Variants in PREX1 observed in about 807,000 individuals in gnomAD.
PREX1 encodes the protein phosphatidylinositol 3,4,5-trisphosphate-dependent Rac exchanger 1 protein.
In PREX1, 41 loss-of-function variants were observed where a neutral mutation model predicts 198.3. That is an observed-to-expected ratio of 0.21 (90% confidence interval 0.16 to 0.27). PREX1 has a LOEUF of 0.27. Ranked by LOEUF, PREX1 falls within the 10% of genes least tolerant of loss-of-function variation. The pLI, the probability that PREX1 is intolerant of heterozygous loss-of-function variation, is 1.00. For synonymous variants in PREX1, 843 were observed against 887.2 expected, an observed-to-expected ratio of 0.95 and a Z score of 0.89; for missense variants, 1,620 against 2,200.7, an observed-to-expected ratio of 0.74 and a Z score of 5.28.
intron 1 of PREX1, among the ~76,000 whole-genome samples, chr20:48,808,168 C>A (rs967289084): frequency 2.6e-5 from 4 of 152,158 alleles, no homozygotes; most frequent in Admixed American, 6.5e-5. Flanking sequence ...GCTTCCTGCT[C>A]TGGGGCTGAC....
At chr20:48,654,420 T>G (rs532088381) in intron 19 of PREX1, among the ~76,000 whole-genome samples, 1 of 152,348 alleles carries the variant, frequency 6.6e-6, no homozygotes, top group East Asian at 1.9e-4. Context: ...TTGGGCCAGA[T>G]AATTCTGTGT....
At chr20:48,841,745 G>A in the PREX1 span, among the ~76,000 whole-genome samples, 32 of 152,218 alleles carry the variant, frequency 2.1e-4, no homozygotes, top group African/African-American at 7.7e-4. Context: ...GGAGTACAGA[G>A]TATCATTCTT....
the PREX1 span, among the ~76,000 whole-genome samples, chr20:48,857,836 G>A: frequency 2.6e-5 from 4 of 152,306 alleles, no homozygotes; most frequent in East Asian, 5.8e-4. Flanking sequence ...GAAGGGTCCC[G>A]GGGGAGTTTG....
At chr20:48,651,159 G>A in intron 22 of PREX1, 104 bp from the exon 23 acceptor site, 1 of 1,422,426 alleles carries the variant, frequency 7.0e-7, no homozygotes, top group South Asian at 1.4e-5. Context: ...CCCCCGGGAA[G>A]TCAGGTGTGT....
chr20:48,827,567 C>T lies in PREX1; in HGVS notation c.219+75G>A. 9.1e-7 allele frequency: 1 copy of T among 1,099,710 alleles called. No homozygotes were observed. The highest frequency in any genetic ancestry group is 1.2e-6 in the Non-Finnish European group (1 of 869,472). The allele number at this position is 1,099,710 out of a possible 1,614,324, so 68.1% of individuals were successfully genotyped here. A position where few individuals can be genotyped will look rare whatever the true frequency, so the allele number is the denominator to read the frequency against. On this transcript the variant is annotated intron_variant, in intron 1 of 39. Transcript: ENST00000371941. This position sits in a 1 kb window ranked among gnomAD's most constrained non-coding sequence, Gnocchi z 4.1. ...AATTCTCCACCCACGGGGACCACGG[C>T]CACAGGTTGTGGGGACCGCAGCGGG...
At chr20:48,651,722 G>T in intron 21 of PREX1, 139 bp from the exon 22 acceptor site, 1 of 778,922 alleles carries the variant, frequency 1.3e-6, no homozygotes, top group Non-Finnish European at 2.0e-6. Context: ...CATTCCGCCA[G>T]AGTAGAGAGG....
chr20:48,799,525 A>G (rs1036665460), intron 1 of PREX1, among the ~76,000 whole-genome samples: 1 of 152,214 alleles, frequency 6.6e-6, no homozygotes, highest in Non-Finnish European at 1.5e-5. Flanking sequence ...ATGTGCTAAA[A>G]GCGTTAGCTG....
chr20:48,876,991 C>T, the PREX1 span, among the ~76,000 whole-genome samples: 1 of 152,040 alleles, frequency 6.6e-6, no homozygotes, highest in Non-Finnish European at 1.5e-5. Flanking sequence ...ATATATAGGC[C>T]GGGCGCAATG....
At chr20:48,686,076 C>G (rs1216076324) in intron 10 of PREX1, among the ~76,000 whole-genome samples, 3 of 152,102 alleles carry the variant, frequency 2.0e-5, no homozygotes, top group Non-Finnish European at 4.4e-5. Context: ...TGTACAGAAC[C>G]CTTCCCCTCT....
chr20:48,651,637 C>A, intron 21 of PREX1, 54 bp from the exon 22 acceptor site: 1 of 1,545,842 alleles, frequency 6.5e-7, no homozygotes, highest in South Asian at 1.2e-5. Context: ...GGGAGGAAGG[C>A]GAGGCGAGGA....
rs764220280 is a variant in PREX1 at position 48,700,756 on chromosome 20, G to C, written c.914C>G (p.Ser305Cys). 1.6e-5 allele frequency: 26 copies of C among 1,613,020 alleles called. 2 individuals are homozygous for C. The South Asian group carries it at 2.7e-4, about 17-fold the overall frequency. ...TCCCAGCCTCCTGGCCACTCACCTG[G>C]ATTTCCGCTTGCAGTAGACGAGAAG... ...DNLLVYCKRK[S>C]RVTGSKKSTK... The change falls in exon 7 of 40, where the codon TCC (serine) becomes TGC (cysteine). Residue 305 changes from serine (S) to cysteine (C), a missense_variant. By Grantham distance (112) the Ser-to-Cys change is moderately radical. Transcript: ENST00000371941.
At chr20:48,637,861 T>G (rs773098090) in intron 30 of PREX1, 109 bp from the exon 31 acceptor site, 1 of 941,724 alleles carries the variant, frequency 1.1e-6, no homozygotes, top group Non-Finnish European at 1.6e-6. Flanking sequence ...CTCTGACCCT[T>G]CACAGCAAAG....
intron 1 of PREX1, among the ~76,000 whole-genome samples, chr20:48,806,792 T>A (rs543735121): frequency 1.3e-5 from 2 of 152,234 alleles, no homozygotes; most frequent in South Asian, 2.1e-4. Context: ...GGGCTCAGCA[T>A]CAGGGATACC....
chr20:48,708,403 G>A lies in PREX1; in HGVS notation c.640C>T (p.Pro214Ser). Residue 214 changes from proline to serine, a missense_variant, in exon 6 of 40, where the codon CCC becomes TCC. By Grantham distance (74) the Pro-to-Ser change is moderately conservative (BLOSUM62 -1). Coordinates refer to ENST00000371941, the MANE Select transcript of PREX1 (RefSeq NM_020820.4). ...LLLKELAKRT[P>S]GKHPDHPAVQ... ...GCGGGGTGGTCTGGGTGCTTGCCGG[G>A]AGTCCTCTTGGCCAGCTCCTGGGGT... 1 of 1,614,112 alleles carries A rather than the reference G, an allele frequency of 6.2e-7. No homozygotes were observed. Among genetic ancestry groups the A allele is most frequent in the Non-Finnish European group, 8.5e-7 (1 of 1,180,028 alleles).
At chr20:48,692,416 A>G (rs1304673823) in intron 8 of PREX1, 3 of 347,278 alleles carry the variant, frequency 8.6e-6, no homozygotes, top group African/African-American at 6.1e-5. Context: ...TGATCATCAC[A>G]AAATTCAGAC....
intron 4 of PREX1, among the ~76,000 whole-genome samples, chr20:48,730,179 G>A (rs73138219): frequency 0.088 from 13,394 of 151,958 alleles, 704 homozygotes; most frequent in South Asian, 0.12. Context: ...CAATTGTCCC[G>A]GTCCCCTAGG....
the PREX1 span, among the ~76,000 whole-genome samples, chr20:48,833,639 A>C: frequency 2.6e-5 from 4 of 152,016 alleles, no homozygotes; most frequent in African/African-American, 9.6e-5. Context: ...ACAAGATTTC[A>C]CCATGTTGGC....
chr20:48,660,512 A>G (rs1429135819), intron 15 of PREX1, among the ~76,000 whole-genome samples: 2 of 152,150 alleles, frequency 1.3e-5, no homozygotes, highest in Admixed American at 1.3e-4. Flanking sequence ...CCTACCTCAC[A>G]CCATATGCAA....
At chr20:48,759,549 CAA>C (rs386393896) in intron 1 of PREX1, among the ~76,000 whole-genome samples, 10 of 73,940 alleles carry the variant, frequency 1.4e-4, no homozygotes, top group African/African-American at 3.0e-4. Context: ...GATTCCATCT[CAA>C]AAAAAAAAAA....
Sources: allele counts gnomAD v4.1 joint callset (sites outside exome capture counted in the v4.1 genomes callset), GRCh38; gene constraint gnomAD v4.1.1; non-coding constraint Gnocchi (gnomAD v3.1); transcripts MANE v1.5; gene names NCBI Gene and HGNC (gene_info 2026-07-23, HGNC 2026-07-21).